MED14: variants seen among roughly 807,000 people sequenced by gnomAD.
The protein encoded by MED14 is mediator of RNA polymerase II transcription subunit 14.
In MED14, 8 loss-of-function variants were observed where a neutral mutation model predicts 109.0. The observed-to-expected ratio is 0.07, with a 90% CI of 0.04 to 0.13. The LOEUF (loss-of-function observed/expected upper bound fraction) is 0.13. Among genes scored for constraint, MED14 ranks in the 10% least tolerant of loss-of-function variants. The pLI is 1.00. For synonymous variants in MED14, 399 were observed against 408.7 expected, an observed-to-expected ratio of 0.98 and a Z score of 0.29; for missense variants, 711 against 1,142.4, an observed-to-expected ratio of 0.62 and a Z score of 5.44.
At chrX:40,702,852 A>G (rs994385158) in intron 11 of MED14, among the ~76,000 whole-genome samples, 1 of 112,161 alleles carries the variant, frequency 8.9e-6, no homozygotes, top group Non-Finnish European at 1.9e-5. Context: ...TTCTAGCTGA[A>G]TATTAATTTC....
Position 40,715,501 on chromosome X carries a change from C to T in MED14, c.349-791G>A, listed in dbSNP as rs146504090. On this transcript the variant is annotated intron_variant, in intron 3 of 30. Coordinates refer to ENST00000324817, the MANE Select transcript of MED14 (RefSeq NM_004229.4). ...TTGGAAAAATGCTCTAAGACATTGGCCTGGGCTGGGTGCGGTGGCTCAGGT... is the reference window on the plus strand; with the variant it reads ...TTGGAAAAATGCTCTAAGACATTGGTCTGGGCTGGGTGCGGTGGCTCAGGT... Among the ~76,000 whole-genome samples, 41 of 110,820 alleles carry T rather than the reference C, an allele frequency of 3.7e-4. No homozygotes were observed. The East Asian group carries it at 9.6e-3, about 26-fold the overall frequency.
intron 3 of MED14, among the ~76,000 whole-genome samples, chrX:40,717,027 G>A (rs5963186): frequency 0.02 from 2,219 of 111,041 alleles, 52 homozygotes; most frequent in African/African-American, 0.069. Context: ...GAGGTATGAA[G>A]AAAAGTTGGT....
At chrX:40,714,770 A>G (rs1480343955) in intron 3 of MED14, 60 bp from the exon 4 acceptor site, 8 of 984,299 alleles carry the variant, frequency 8.1e-6, no homozygotes, top group Non-Finnish European at 1.4e-6. Flanking sequence ...TTTCACACTA[A>G]ATATTGTTAA....
At position 40,649,654 on chromosome X, in the gene MED14, C is replaced by T. The variant is rs1928785018; in HGVS notation, c.*2152G>A. 7 of 933,957 alleles carry T rather than the reference C, an allele frequency of 7.5e-6. No individual in the cohort carries two copies. The highest frequency in any genetic ancestry group is 9.5e-6 in the Non-Finnish European group (7 of 736,920). The allele number at this position is 933,957 out of a possible 1,213,427, so 77.0% of individuals were successfully genotyped here. On this transcript the variant is annotated 3_prime_UTR_variant, in exon 31 of 31. Coordinates refer to ENST00000324817, the MANE Select transcript of MED14 (RefSeq NM_004229.4). ...TTATTAGAGAAAATCACTTGGGCATCCAGTCCCCTTGATCGAACCTGGGTA... is the reference window on the plus strand; with the variant it reads ...TTATTAGAGAAAATCACTTGGGCATTCAGTCCCCTTGATCGAACCTGGGTA...
chrX:40,674,102 G>A (rs1045065899), intron 22 of MED14, among the ~76,000 whole-genome samples: 4 of 111,032 alleles, frequency 3.6e-5, no homozygotes, highest in African/African-American at 1.3e-4. Flanking sequence ...TCTGATATCC[G>A]CTGGGCCAAG....
intron 1 of MED14, among the ~76,000 whole-genome samples, chrX:40,731,581 T>C (rs1932082555): frequency 8.9e-6 from 1 of 112,397 alleles, no homozygotes; most frequent in Non-Finnish European, 1.9e-5. Flanking sequence ...TTTACAATTC[T>C]TTTTGAACAA....
intron 8 of MED14, among the ~76,000 whole-genome samples, chrX:40,710,392 T>C (rs754978389): frequency 8.9e-6 from 1 of 112,157 alleles, no homozygotes; most frequent in South Asian, 3.7e-4. Flanking sequence ...ACTACCTGTC[T>C]TCTAAGTAGT....
chrX:40,707,436 C>T (rs931788894), intron 10 of MED14, among the ~76,000 whole-genome samples: 2 of 111,543 alleles, frequency 1.8e-5, no homozygotes, highest in African/African-American at 6.5e-5. Context: ...CCTAGGTGTA[C>T]AGCCAAGAGA....
chrX:40,659,637 T>C lies in MED14; in HGVS notation c.3685-30A>G, dbSNP rs779160660. 1.2e-5 allele frequency: 14 copies of C among 1,147,983 alleles called. No homozygotes were observed. The South Asian group carries it at 1.6e-4, about 13-fold the overall frequency. 94.6% of individuals were successfully genotyped at this position (1,147,983 alleles called of 1,213,427 possible). ...AAAACAAGGACACATCAAATTAACA[T>C]GTAAGTCAAAGAGAAAATGAAGATG... On this transcript the variant is annotated intron_variant, in intron 26 of 30. Transcript: ENST00000324817.
chrX:40,691,607 C>CTTTTT (rs36144185), intron 15 of MED14, among the ~76,000 whole-genome samples: 20,904 of 59,199 alleles, frequency 0.35, 4,179 homozygotes, highest in East Asian at 0.65. Context: ...TTCTTTTAAT[C>CTTTTT]TTTTTTTTTT....
chrX:40,711,566 A>AAC (rs1332803385), intron 7 of MED14, among the ~76,000 whole-genome samples: 2 of 111,622 alleles, frequency 1.8e-5, no homozygotes, highest in Non-Finnish European at 3.8e-5. Context: ...TAGTTTAGAG[A>AAC]ACATGGATTG....
intron 28 of MED14, 29 bp from the exon 29 acceptor site, chrX:40,655,089 A>C: frequency 8.5e-7 from 1 of 1,182,703 alleles, no homozygotes. Flanking sequence ...ATCAAGATAA[A>C]GGCATATAAA....
chrX:40,692,855 G>A lies in MED14; in HGVS notation c.1698C>T (p.Tyr566=), dbSNP rs1386553758. ...CATTCACAGACATAAAGTAGTACTT[G>A]TACGACAGTTGTGTGGGTTTATTGG... ...EVPNKPTQLS[Y]KYYFMSVNAA... The change falls in exon 14 of 31, where the codon TAC becomes TAT. Residue 566 remains tyrosine (Y), a synonymous_variant. Coordinates refer to ENST00000324817, the MANE Select transcript of MED14 (RefSeq NM_004229.4). The A allele has an allele frequency of 8.4e-7, 1 of 1,194,483 alleles. No homozygotes were observed. The highest frequency in any genetic ancestry group is 2.3e-5 in the Admixed American group (1 of 42,645).
chrX:40,685,174 G>C (rs1041457163), intron 16 of MED14, among the ~76,000 whole-genome samples: 1 of 112,154 alleles, frequency 8.9e-6, no homozygotes, highest in Non-Finnish European at 1.9e-5. Context: ...ATTCAAAAAT[G>C]TTTGATTTAC....
Position 40,659,420 on chromosome X carries a change from A to C in MED14, c.3864+8T>G. The stretch of plus-strand genomic sequence containing the variant: ...TTATATTCAAATTATGCACTATTAA[A>C]CACATACTCTTGTTTCAAAGAATTT... On this transcript the variant is annotated splice_region_variant and intron_variant, in intron 27 of 30. Coordinates refer to ENST00000324817, the MANE Select transcript of MED14 (RefSeq NM_004229.4). 4.2e-6 allele frequency: 5 copies of C among 1,204,544 alleles called. No homozygotes were observed. In the South Asian group the frequency reaches 7.1e-5, roughly 17 times the overall value.
intron 26 of MED14, 40 bp from the exon 27 acceptor site, chrX:40,659,647 A>G: frequency 8.8e-7 from 1 of 1,132,994 alleles, no homozygotes. Flanking sequence ...TGTAAGTCAA[A>G]GAGAAAATGA....
At chrX:40,734,726 T>G (rs1378570011) in intron 1 of MED14, among the ~76,000 whole-genome samples, 3 of 112,218 alleles carry the variant, frequency 2.7e-5, no homozygotes, top group African/African-American at 9.7e-5. Context: ...CCTCAAACAC[T>G]CAAAAGTTCC....
At chrX:40,708,684 G>A in intron 10 of MED14, among the ~76,000 whole-genome samples, 1 of 111,930 alleles carries the variant, frequency 8.9e-6, no homozygotes, top group East Asian at 2.8e-4. Flanking sequence ...CAGAATGAAA[G>A]GGTTTACTTT....
intron 26 of MED14, among the ~76,000 whole-genome samples, chrX:40,661,571 T>A (rs2146618783): frequency 8.9e-6 from 1 of 112,571 alleles, no homozygotes; most frequent in Non-Finnish European, 1.9e-5. Flanking sequence ...ATAACAGTAA[T>A]TATAAATAAT....
Sources: gnomAD v4.1 joint callset for allele counts (sites outside exome capture counted in the v4.1 genomes callset) on GRCh38, gnomAD v4.1.1 for gene constraint, MANE v1.5 for transcripts, NCBI Gene and HGNC (gene_info 2026-07-23, HGNC 2026-07-21) for gene names.